Variants in THOP1 observed in about 807,000 individuals in gnomAD.
The protein encoded by THOP1 is thimet oligopeptidase.
THOP1 carries 49 observed loss-of-function variants against 71.8 expected under a neutral mutation model. The observed-to-expected ratio is 0.68, with a 90% confidence interval of 0.54 to 0.87. The LOEUF (loss-of-function observed/expected upper bound fraction) is 0.87, where lower values mean the gene tolerates loss of function less well. Among genes scored for constraint, THOP1 ranks in the 40% least tolerant of loss-of-function variants. The pLI, the probability that THOP1 is intolerant of heterozygous loss-of-function variation, is 0.00. For synonymous variants in THOP1, 426 were observed against 421.5 expected (o/e 1.01, Z -0.13); for missense variants, 843 against 975.6 (o/e 0.86, Z 1.81).
In THOP1 at chr19:2,797,586, G is replaced by C. The variant is rs376816866; in HGVS notation, c.486+1398G>C. ...CTCATATCCGATAGCCTTTGCCTTC[G>C]GCGATCTCACCAGAATGTGGGCTGC... On this transcript the variant is annotated intron_variant, in intron 4 of 12. Coordinates refer to ENST00000307741, the MANE Select transcript of THOP1 (RefSeq NM_003249.5). Among the ~76,000 whole-genome samples, 31 of 152,352 alleles carry C rather than the reference G, an allele frequency of 2.0e-4. 1 individual carries two copies. The highest frequency in any genetic ancestry group is 3.4e-3 in the Middle Eastern group (1 of 294).
intron 5 of THOP1, among the ~76,000 whole-genome samples, chr19:2,802,275 C>T (rs1233680360): frequency 1.3e-5 from 2 of 148,234 alleles, no homozygotes; most frequent in South Asian, 2.2e-4. Flanking sequence ...ACCCACCTCC[C>T]GACACCCCCA....
At chr19:2,812,716 C>G (rs1916510869) in intron 12 of THOP1, among the ~76,000 whole-genome samples, 1 of 152,240 alleles carries the variant, frequency 6.6e-6, no homozygotes, top group East Asian at 1.9e-4. Flanking sequence ...ATCTGCCTCA[C>G]CTGCCCGTAG....
intron 4 of THOP1, 52 bp from the exon 5 acceptor site, chr19:2,799,637 G>A (rs1178137127): frequency 1.3e-5 from 19 of 1,487,450 alleles, no homozygotes; most frequent in South Asian, 2.3e-5. Flanking sequence ...GCGTCTCCCC[G>A]CGGAGCCCGC....
At chr19:2,806,706 T>G in intron 6 of THOP1, 1 of 751,258 alleles carries the variant, frequency 1.3e-6, no homozygotes, top group Non-Finnish European at 2.1e-6. Flanking sequence ...TAGAGTCATC[T>G]GCACCCCTTC....
chr19:2,808,458 C>CGGGCAG lies in THOP1; in HGVS notation c.1455+43_1455+48dup, dbSNP rs369163630. On this transcript the variant is annotated intron_variant, in intron 9 of 12. Transcript: ENST00000307741. ...CTCTGCTCCCAGGTGGGTGCGGGCCCGGGCAGGGGCAGGGGCAGGGGCAGG... is the reference window on the plus strand; with the variant it reads ...CTCTGCTCCCAGGTGGGTGCGGGCCCGGGCAGGGGCAGGGGCAGGGGCAGGGGCAGG... 288 of 1,577,378 alleles carry CGGGCAG rather than the reference C, an allele frequency of 1.8e-4. 1 individual carries two copies. Among genetic ancestry groups the CGGGCAG allele is most frequent in the African/African-American group, 1.4e-3 (103 of 74,160 alleles).
At chr19:2,786,104 T>A (rs58828781) in intron 1 of THOP1, among the ~76,000 whole-genome samples, 7,074 of 129,478 alleles carry the variant, frequency 0.055, 205 homozygotes, top group African/African-American at 0.15. Flanking sequence ...GAGAGGGTGG[T>A]TCCTGGGGGG....
At chr19:2,813,004 C>A in intron 12 of THOP1, 111 bp from the exon 13 acceptor site, 1 of 1,364,624 alleles carries the variant, frequency 7.3e-7, no homozygotes, top group Non-Finnish European at 9.8e-7. Flanking sequence ...CCCTGGGAAC[C>A]TGGAAGGGGT....
chr19:2,812,403 C>G, intron 12 of THOP1: 3 of 1,487,498 alleles, frequency 2.0e-6, no homozygotes, highest in South Asian at 2.6e-5. Flanking sequence ...AGGCACTCAG[C>G]TGCTCCCTTT....
At chr19:2,798,476 C>T (rs1057020407) in intron 4 of THOP1, among the ~76,000 whole-genome samples, 2 of 152,190 alleles carry the variant, frequency 1.3e-5, no homozygotes, top group South Asian at 2.1e-4. Context: ...GGAAAAGGTG[C>T]GAGGTCCGGA....
At chr19:2,790,746 C>A in intron 2 of THOP1, 113 bp downstream of exon 2, 2 of 981,230 alleles carry the variant, frequency 2.0e-6, no homozygotes, top group Non-Finnish European at 2.9e-6. Flanking sequence ...GAAGTGTCAC[C>A]AGCACCCTGC....
At chr19:2,812,138 G>A in intron 12 of THOP1, 1 of 1,457,480 alleles carries the variant, frequency 6.9e-7, no homozygotes, top group Non-Finnish European at 9.1e-7. Context: ...CATGGGCTGA[G>A]ACAGACCCTT....
At chr19:2,785,792 G>A (rs1834601592) in intron 1 of THOP1, 114 bp downstream of exon 1, 2 of 1,038,666 alleles carry the variant, frequency 1.9e-6, no homozygotes, top group Admixed American at 4.2e-5. Flanking sequence ...CCCTCGGCCG[G>A]GCTGGAGGGG....
chr19:2,792,699 G>C (rs1055894923), intron 2 of THOP1, among the ~76,000 whole-genome samples: 10 of 151,364 alleles, frequency 6.6e-5, no homozygotes, highest in African/African-American at 2.4e-4. Flanking sequence ...CTGTCACCCA[G>C]GTTGGAGTGC....
Position 2,810,712 on chromosome 19 carries a change from C to A in THOP1, c.1715C>A (p.Pro572His). Residue 572 changes from proline (P) to histidine (H), a missense_variant, in exon 11 of 13, where the codon CCC becomes CAC. Transcript: ENST00000307741. ...QALHTQTDAD[P>H]AEEYARLCQE... is the part of the protein sequence containing the mutation. ...CTGCACACGCAGACGGACGCAGACC[C>A]CGCCGAGGAGTATGCGCGGCTCTGC... 1 of 1,588,850 alleles carries A rather than the reference C, an allele frequency of 6.3e-7. No homozygotes were observed. Among genetic ancestry groups the A allele is most frequent in the Non-Finnish European group, 8.6e-7 (1 of 1,167,796 alleles).
intron 1 of THOP1, among the ~76,000 whole-genome samples, chr19:2,787,533 C>T (rs532156393): frequency 2.6e-5 from 4 of 152,314 alleles, no homozygotes; most frequent in Admixed American, 2.0e-4. Context: ...CTTCTTTACC[C>T]CACGGTTTAA....
intron 4 of THOP1, among the ~76,000 whole-genome samples, chr19:2,798,223 G>T (rs935366639): frequency 7.2e-5 from 11 of 152,140 alleles, no homozygotes; most frequent in Middle Eastern, 6.8e-3. Flanking sequence ...TAGAGACAGG[G>T]TTTTACCACA....
intron 4 of THOP1, among the ~76,000 whole-genome samples, chr19:2,798,132 G>A (rs528824158): frequency 6.6e-6 from 1 of 152,216 alleles, no homozygotes; most frequent in East Asian, 1.9e-4. Flanking sequence ...ATGTTCAAGC[G>A]ATTCTCCTGC....
At chr19:2,811,486 A>G (rs1320590608) in intron 11 of THOP1, 112 bp from the exon 12 acceptor site, 16 of 1,418,710 alleles carry the variant, frequency 1.1e-5, no homozygotes, top group Non-Finnish European at 1.5e-5. Flanking sequence ...GTGATCCTCC[A>G]GCTTCTCCCT....
chr19:2,789,451 T>C (rs765866660), intron 1 of THOP1, among the ~76,000 whole-genome samples: 2 of 152,150 alleles, frequency 1.3e-5, no homozygotes, highest in Non-Finnish European at 2.9e-5. Context: ...CTGGTGTGAG[T>C]GGCCGGGCCA....
Sources: gnomAD v4.1 joint callset for allele counts (sites outside exome capture counted in the v4.1 genomes callset) on GRCh38, gnomAD v4.1.1 for gene constraint, MANE v1.5 for transcripts, NCBI Gene and HGNC (gene_info 2026-07-23, HGNC 2026-07-21) for gene names.